The following SUPT6H variants were observed in gnomAD, a reference collection of about 807,000 sequenced individuals.
The protein encoded by SUPT6H is transcription elongation factor SPT6.
A neutral mutation model predicts 222.3 loss-of-function variants in SUPT6H; 11 were observed. That is an observed-to-expected ratio of 0.05 (90% CI 0.03 to 0.08). The LOEUF (loss-of-function observed/expected upper bound fraction) is 0.08. Among genes scored for constraint, SUPT6H ranks in the 10% least tolerant of loss-of-function variants. The probability of loss-of-function intolerance (pLI) is 1.00; values close to 1 mark genes in which losing one functional copy is unlikely to be tolerated. For missense variants in SUPT6H, 1,422 were observed against 2,216.0 expected (o/e 0.64, Z 7.19); for synonymous variants, 762 against 801.2 (o/e 0.95, Z 0.83).
At chr17:28,700,882 C>T in intron 35 of SUPT6H, 59 bp from the exon 36 acceptor site, 2 of 1,547,672 alleles carry the variant, frequency 1.3e-6, no homozygotes, top group South Asian at 2.4e-5. Flanking sequence ...ACCCAGAATT[C>T]ACAGCAAGGC....
chr17:28,672,340 T>C (rs2030466469), intron 1 of SUPT6H, among the ~76,000 whole-genome samples: 1 of 152,152 alleles, frequency 6.6e-6, no homozygotes, highest in Non-Finnish European at 1.5e-5. Flanking sequence ...GTAAGTGAGG[T>C]AAAACTTTGG....
rs776210341 is a variant in SUPT6H at position 28,688,240 on chromosome 17, G to A, written c.3134+22G>A. On this transcript the variant is annotated intron_variant, in intron 24 of 36. Transcript: ENST00000314616. This position sits in a 1 kb window ranked among gnomAD's most constrained non-coding sequence, Gnocchi z 4.3. ...ACAGGTGATGCCCTCTGCCTGGATG[G>A]GGCAGGAGGAATTCCCTTGTGGGCT... 1.2e-5 allele frequency: 20 copies of A among 1,608,530 alleles called. No individual in the cohort carries two copies. The Admixed American group carries it at 3.4e-4, about 27-fold the overall frequency.
intron 35 of SUPT6H, 194 bp from the exon 36 acceptor site, chr17:28,700,747 A>G (rs892796664): frequency 7.5e-6 from 7 of 929,412 alleles, no homozygotes; most frequent in Non-Finnish European, 1.1e-5. Flanking sequence ...GAAAGTTGAC[A>G]TGGTCAGGAC....
At chr17:28,668,332 A>G (rs889379290) in intron 1 of SUPT6H, among the ~76,000 whole-genome samples, 2 of 152,232 alleles carry the variant, frequency 1.3e-5, no homozygotes, top group South Asian at 2.1e-4. Flanking sequence ...AAATAAATAC[A>G]TTAGTGTCTT....
Position 28,673,468 on chromosome 17 carries a change from G to C in SUPT6H, c.67G>C (p.Val23Leu), listed in dbSNP as rs1408337635. ...EEEYNDEGEV[V>L]PRVTKKFVEE... ...AGAATACAATGATGAAGGCGAGGTGGTACCCCGAGTCACCAAGAAATTTGT... is the reference window on the plus strand; with the variant it reads ...AGAATACAATGATGAAGGCGAGGTGCTACCCCGAGTCACCAAGAAATTTGT... Residue 23 changes from valine (V) to leucine (L), a missense_variant, in exon 2 of 37, where the codon GTA (valine) becomes CTA (leucine). Coordinates refer to ENST00000314616, the MANE Select transcript of SUPT6H (RefSeq NM_003170.5). 6.2e-7 allele frequency: 1 copy of C among 1,613,806 alleles called. No individual in the cohort carries two copies. Among genetic ancestry groups the C allele is most frequent in the Admixed American group, 1.7e-5 (1 of 60,026 alleles).
rs570618485 is a variant in SUPT6H, at chr17:28,701,725, G to T, written c.*100G>T. 9.9e-6 allele frequency: 13 copies of T among 1,314,756 alleles called. No individual in the cohort carries two copies. The highest frequency in any genetic ancestry group is 1.3e-5 in the Non-Finnish European group (13 of 964,236). 81.4% of individuals were successfully genotyped at this position (1,314,756 alleles called of 1,614,324 possible). A position where few individuals can be genotyped will look rare whatever the true frequency, so the allele number is the denominator to read the frequency against. ...CCTCCTTTTATGTCCATAAAGTGGC[G>T]TGAAGTGAGACGTTCTCTTTGGTGG... On this transcript the variant is annotated 3_prime_UTR_variant, in exon 37 of 37. Coordinates refer to ENST00000314616, the MANE Select transcript of SUPT6H (RefSeq NM_003170.5).
intron 4 of SUPT6H, 26 bp downstream of exon 4, chr17:28,674,639 C>T (rs776415127): frequency 8.1e-6 from 13 of 1,608,294 alleles, no homozygotes; most frequent in Non-Finnish European, 1.1e-5. Context: ...TGTCTTTTGT[C>T]CCTGGGGGTA....
Position 28,675,103 on chromosome 17 carries a change from A to G in SUPT6H, c.479A>G (p.Glu160Gly), listed in dbSNP as rs1185527921. 1.2e-6 allele frequency: 2 copies of G among 1,613,922 alleles called. No individual in the cohort carries two copies. Among genetic ancestry groups the G allele is most frequent in the Non-Finnish European group, 1.7e-6 (2 of 1,180,002 alleles). Residue 160 changes from glutamate to glycine, a missense_variant, in exon 5 of 37, where the codon GAG becomes GGG. By Grantham distance (98) the Glu-to-Gly change is moderately conservative. Coordinates refer to ENST00000314616, the MANE Select transcript of SUPT6H (RefSeq NM_003170.5). ...GATGGGGAAGGGGAAGAAGGGCAGG[A>G]GGCCATGGAGGCCCCCATGGCTCCT... ...FQDGEGEEGQ[E>G]AMEAPMAPPE...
chr17:28,689,089 G>T, intron 24 of SUPT6H: 4 of 390,610 alleles, frequency 1.0e-5, no homozygotes, highest in Admixed American at 4.3e-5. Context: ...TTTTTGCTAT[G>T]CATTTACTAA....
rs1470348603 is a variant in SUPT6H at position 28,700,185 on chromosome 17, G to A, written c.4574G>A (p.Ser1525Asn). 4 of 1,608,376 alleles carry A rather than the reference G, an allele frequency of 2.5e-6. No homozygotes were observed. The highest frequency in any genetic ancestry group is 1.1e-5 in the South Asian group (1 of 90,702). The stretch of plus-strand genomic sequence containing the variant: ...TCACTTCCTGCAGGCATCACCCCTA[G>A]CAGCAGCAGCAGGACCCGGACACCT... ...YQDPVPGITPSSSSRTRTPAS... is the reference protein window; with the variant it reads ...YQDPVPGITPNSSSRTRTPAS... The change falls in exon 34 of 37, where the codon AGC becomes AAC. Residue 1525 changes from serine (S) to asparagine (N), a missense_variant. Ser to Asn is a conservative substitution (Grantham distance 46). Transcript: ENST00000314616.
At chr17:28,672,152 T>G (rs748207044) in intron 1 of SUPT6H, among the ~76,000 whole-genome samples, 2 of 152,240 alleles carry the variant, frequency 1.3e-5, no homozygotes, top group Non-Finnish European at 2.9e-5. Context: ...GCTTTTGACT[T>G]TGCTAATAAG....
At chr17:28,677,111 G>A (rs1329580377) in intron 7 of SUPT6H, among the ~76,000 whole-genome samples, 2 of 150,030 alleles carry the variant, frequency 1.3e-5, no homozygotes, top group South Asian at 2.1e-4. Flanking sequence ...GGTGACTCAC[G>A]CCTGTAATCC....
chr17:28,689,163 G>A (rs963828545), intron 24 of SUPT6H, 191 bp from the exon 25 acceptor site: 12 of 571,956 alleles, frequency 2.1e-5, no homozygotes, highest in East Asian at 8.7e-5. Context: ...CATTTTTCAC[G>A]TATCAATATA....
At chr17:28,689,885 G>A (rs977644301) in intron 25 of SUPT6H, among the ~76,000 whole-genome samples, 197 bp from the exon 26 acceptor site, 2 of 152,144 alleles carry the variant, frequency 1.3e-5, no homozygotes, top group Non-Finnish European at 2.9e-5. Context: ...ACTCATTGGG[G>A]TTCCATAAAG....
At chr17:28,695,666 G>C in intron 29 of SUPT6H, 119 bp downstream of exon 29, 1 of 1,175,220 alleles carries the variant, frequency 8.5e-7, no homozygotes, top group Non-Finnish European at 1.2e-6. Context: ...ACTCAGCTTT[G>C]AGGTGCTAAG....
intron 24 of SUPT6H, 165 bp from the exon 25 acceptor site, chr17:28,689,189 C>T: frequency 1.6e-6 from 1 of 624,972 alleles, no homozygotes; most frequent in Non-Finnish European, 2.7e-6. Flanking sequence ...GCCATCTTTC[C>T]ATGTCAGCAC....
chr17:28,701,023 T>G lies in SUPT6H; in HGVS notation c.4889T>G (p.Ile1630Ser). Residue 1630 changes from isoleucine to serine, a missense_variant, in exon 36 of 37, where the codon ATC becomes AGC. Physicochemically the swap from Ile to Ser is moderately radical, Grantham distance 142 (BLOSUM62 -2). Coordinates refer to ENST00000314616, the MANE Select transcript of SUPT6H (RefSeq NM_003170.5). Reference sequence around the variant, plus strand: ...TCCTACACGACCCCAAGCCAGCCCATCACCACCCCTCAGTACCACCAGCTC... The same window carrying G: ...TCCTACACGACCCCAAGCCAGCCCAGCACCACCCCTCAGTACCACCAGCTC... ...SYSYTTPSQP[I>S]TTPQYHQLQA... 6.2e-7 allele frequency: 1 copy of G among 1,614,030 alleles called. No homozygotes were observed.
Position 28,683,074 on chromosome 17 carries a change from C to A in SUPT6H, c.1860C>A (p.Pro620=). Residue 620 remains proline (P), a synonymous_variant, in exon 15 of 37, where the codon CCC becomes CCA. Coordinates refer to ENST00000314616, the MANE Select transcript of SUPT6H (RefSeq NM_003170.5). ...AGAGAGCCAAGTTAAATATAACCCC[C>A]ACCAAGAAAGGTAGAAAGGTGAGCT... is the stretch of plus-strand genomic sequence containing the variant. ...FQERAKLNIT[P]TKKGRKDVDE... is the part of the protein sequence containing the mutation. 6.2e-7 allele frequency: 1 copy of A among 1,605,216 alleles called. No individual in the cohort carries two copies.
intron 20 of SUPT6H, 119 bp downstream of exon 20, chr17:28,686,534 G>A: frequency 6.5e-7 from 1 of 1,526,902 alleles, no homozygotes; most frequent in Non-Finnish European, 8.9e-7. Flanking sequence ...GTGTCCCTGG[G>A]GATGTTTGAC....
Sources: allele counts gnomAD v4.1 joint callset (sites outside exome capture counted in the v4.1 genomes callset), GRCh38; gene constraint gnomAD v4.1.1; non-coding constraint Gnocchi (gnomAD v3.1); transcripts MANE v1.5; gene names NCBI Gene and HGNC (gene_info 2026-07-23, HGNC 2026-07-21).